FGFR1: variants seen among roughly 807,000 people sequenced by gnomAD.
The protein encoded by FGFR1 is fibroblast growth factor receptor 1, also known as FGFR1/PLAG1 fusion.
A neutral mutation model predicts 93.7 loss-of-function variants in FGFR1; 18 were observed. The observed-to-expected ratio is 0.19, with a 90% CI of 0.13 to 0.28. The LOEUF is 0.28. Ranked by LOEUF, FGFR1 falls within the 10% of genes least tolerant of loss-of-function variation. The probability of loss-of-function intolerance (pLI) is 1.00; values close to 1 mark genes in which losing one functional copy is unlikely to be tolerated. For synonymous variants in FGFR1, 448 were observed against 429.3 expected (o/e 1.04, Z -0.54); for missense variants, 731 against 1,080.4 (o/e 0.68, Z 4.53).
intron 1 of FGFR1, chr8:38,465,437 A>G: frequency 4.3e-6 from 1 of 232,154 alleles, no homozygotes; most frequent in Non-Finnish European, 8.5e-6. Context: ...AGTAAATGCA[A>G]CAGATATTTC....
rs958989204 is a variant in FGFR1, at chr8:38,412,452, C to A, written c.*1176G>T. On this transcript the variant is annotated 3_prime_UTR_variant, in exon 18 of 18. Transcript: ENST00000447712. ...TTCCTTGGAGGAAACCATCCATGGTCGATGGCTGCTGGGCCTTGACTCTCT... is the reference window on the plus strand; with the variant it reads ...TTCCTTGGAGGAAACCATCCATGGTAGATGGCTGCTGGGCCTTGACTCTCT... 4.3e-6 allele frequency: 1 copy of A among 232,918 alleles called. No homozygotes were observed. Among genetic ancestry groups the A allele is most frequent in the Non-Finnish European group, 8.5e-6 (1 of 117,820 alleles). 14.4% of individuals were successfully genotyped at this position (232,918 alleles called of 1,614,324 possible).
chr8:38,462,362 C>T (rs529658599), intron 1 of FGFR1, among the ~76,000 whole-genome samples: 311 of 151,908 alleles, frequency 2.0e-3, no homozygotes, highest in African/African-American at 6.9e-3. Flanking sequence ...AAATTAGCTG[C>T]GTGCAGTGGC....
Position 38,429,082 on chromosome 8 carries a change from T to C in FGFR1, c.358+600A>G, listed in dbSNP as rs17175884. 71 of 352,836 alleles carry C rather than the reference T, an allele frequency of 2.0e-4. 1 individual carries two copies. Among genetic ancestry groups the C allele is most frequent in the South Asian group, 1.4e-3 (67 of 47,074 alleles). 21.9% of individuals were successfully genotyped at this position (352,836 alleles called of 1,614,324 possible). A position where few individuals can be genotyped will look rare whatever the true frequency, so the allele number is the denominator to read the frequency against. On this transcript the variant is annotated intron_variant, in intron 3 of 17. Transcript: ENST00000447712. This position sits in a 1 kb window ranked among gnomAD's most constrained non-coding sequence, Gnocchi z 4.4. ...CTTCCTATCACCTTTGGGGATCTGCTGCCAAGTCCACACCCTGAGGTGCAT... is the reference window on the plus strand; with the variant it reads ...CTTCCTATCACCTTTGGGGATCTGCCGCCAAGTCCACACCCTGAGGTGCAT...
intron 2 of FGFR1, among the ~76,000 whole-genome samples, chr8:38,453,132 T>G (rs749521550): frequency 6.6e-6 from 1 of 152,236 alleles, no homozygotes; most frequent in Non-Finnish European, 1.5e-5. Flanking sequence ...ACAGCAGTTC[T>G]CTGTTCTGTC....
chr8:38,450,728 C>T (rs767272634), intron 2 of FGFR1, among the ~76,000 whole-genome samples: 19 of 152,192 alleles, frequency 1.2e-4, no homozygotes, highest in Non-Finnish European at 1.6e-4. Context: ...GCAGCAAGAT[C>T]TCTGGACAGC....
At chr8:38,460,507 G>A (rs567393385) in intron 1 of FGFR1, among the ~76,000 whole-genome samples, 1 of 152,302 alleles carries the variant, frequency 6.6e-6, no homozygotes, top group African/African-American at 2.4e-5. Flanking sequence ...CCCCAGAAAA[G>A]CCTGCCGCCT....
intron 12 of FGFR1, among the ~76,000 whole-genome samples, chr8:38,416,618 GCTA>G (rs1439966982): frequency 6.6e-6 from 1 of 152,004 alleles, no homozygotes; most frequent in African/African-American, 2.4e-5. Flanking sequence ...ACCACGCCCG[GCTA>G]CTTTTTGTAT....
chr8:38,461,023 G>A (rs2151423610), intron 1 of FGFR1: 1 of 1,519,278 alleles, frequency 6.6e-7, no homozygotes, highest in South Asian at 1.2e-5. Context: ...CCTGCATGCA[G>A]AGGTCCTCGG....
chr8:38,456,294 C>T (rs1419295631), intron 2 of FGFR1, among the ~76,000 whole-genome samples: 2 of 152,176 alleles, frequency 1.3e-5, no homozygotes, highest in East Asian at 1.9e-4. Context: ...CAAAGTCCCG[C>T]GAAAGCCACC....
Position 38,441,358 on chromosome 8 carries a change from A to C in FGFR1, c.92-11410T>G, listed in dbSNP as rs536206535. 2.6e-5 allele frequency among the ~76,000 whole-genome samples: 4 copies of C among 152,164 alleles called. No individual in the cohort carries two copies. In the East Asian group the frequency reaches 7.7e-4, roughly 29 times the overall value. The stretch of plus-strand genomic sequence containing the variant: ...CCCCCACCTCCTCCCTACCTCTCAC[A>C]ATGGGGAGTTCACTACCTCACTGGG... On this transcript the variant is annotated intron_variant, in intron 2 of 17. Coordinates refer to ENST00000447712, the MANE Select transcript of FGFR1 (RefSeq NM_023110.3).
intron 9 of FGFR1, among the ~76,000 whole-genome samples, chr8:38,418,984 C>T (rs1458467641): frequency 7.2e-5 from 11 of 152,146 alleles, no homozygotes; most frequent in South Asian, 4.1e-4. Flanking sequence ...ATAAATCTCA[C>T]GAGATCTGAT....
At chr8:38,423,828 G>GTA (rs1819715256) in intron 7 of FGFR1, 1 of 166,562 alleles carries the variant, frequency 6.0e-6, no homozygotes, top group Admixed American at 5.8e-5. Flanking sequence ...GGGAGGGCCA[G>GTA]TATATCTCTG....
chr8:38,418,070 CTG>C, intron 10 of FGFR1, 79 bp from the exon 11 acceptor site: 1 of 1,610,740 alleles, frequency 6.2e-7, no homozygotes, highest in South Asian at 1.1e-5. Context: ...CTCCACCTCT[CTG>C]TATTTCACCC....
intron 2 of FGFR1, among the ~76,000 whole-genome samples, chr8:38,446,870 C>T (rs1339852798): frequency 6.6e-6 from 1 of 152,134 alleles, no homozygotes; most frequent in Non-Finnish European, 1.5e-5. Context: ...CCATACCACA[C>T]ATTCTAGGCT....
rs2150920943 is a variant in FGFR1, at chr8:38,428,105, A to C, written c.449-12T>G. 1 of 1,613,968 alleles carries C rather than the reference A, an allele frequency of 6.2e-7. No homozygotes were observed. The highest frequency in any genetic ancestry group is 1.1e-5 in the South Asian group (1 of 91,068). On this transcript the variant is annotated splice_polypyrimidine_tract_variant and intron_variant, in intron 4 of 17. Coordinates refer to ENST00000447712, the MANE Select transcript of FGFR1 (RefSeq NM_023110.3). ...ATATGGAGCTACGGCTGCCCGGGGA[A>C]AGCCAAGAGAGACAGGCAGGGTGGA...
At chr8:38,432,643 G>C (rs143580363) in intron 2 of FGFR1, among the ~76,000 whole-genome samples, 43 of 152,218 alleles carry the variant, frequency 2.8e-4, no homozygotes, top group African/African-American at 1.0e-3. Context: ...CTGACCTCGT[G>C]ATCTGCCTGC....
At chr8:38,463,868 G>GGGC (rs1206462099) in intron 1 of FGFR1, among the ~76,000 whole-genome samples, 1 of 152,102 alleles carries the variant, frequency 6.6e-6, no homozygotes, top group East Asian at 1.9e-4. Context: ...CATGTTGAGA[G>GGGC]GGCAGGGGGC....
chr8:38,459,712 A>G (rs114397083), intron 1 of FGFR1, among the ~76,000 whole-genome samples: 1 of 152,182 alleles, frequency 6.6e-6, no homozygotes, highest in Non-Finnish European at 1.5e-5. Context: ...GCTAGCATGT[A>G]ATAGTGCCTC....
chr8:38,432,816 TC>T (rs1414569403), intron 2 of FGFR1, among the ~76,000 whole-genome samples: 22 of 150,654 alleles, frequency 1.5e-4, no homozygotes, highest in African/African-American at 4.6e-4. Context: ...AAAATCCACA[TC>T]CCTGCCTCAC....
Sources: allele counts gnomAD v4.1 joint callset (sites outside exome capture counted in the v4.1 genomes callset), GRCh38; gene constraint gnomAD v4.1.1; non-coding constraint Gnocchi (gnomAD v3.1); transcripts MANE v1.5; gene names NCBI Gene and HGNC (gene_info 2026-07-23, HGNC 2026-07-21).